The following FRMD4A variants were observed in gnomAD, a reference collection of about 807,000 sequenced individuals.
FRMD4A encodes the protein FERM domain containing 4A, also known as FERM domain-containing protein 4A.
In FRMD4A, 29 loss-of-function variants were observed where a neutral mutation model predicts 129.1. The ratio of observed to expected loss-of-function variants is 0.22; its 90% confidence interval spans 0.17 to 0.31. The LOEUF (loss-of-function observed/expected upper bound fraction) is 0.31, where lower values mean the gene tolerates loss of function less well. Ranked by LOEUF, FRMD4A falls within the 10% of genes least tolerant of loss-of-function variation. The pLI, the probability that FRMD4A is intolerant of heterozygous loss-of-function variation, is 1.00. For missense variants in FRMD4A, 1,272 were observed against 1,375.8 expected (o/e 0.92, Z 1.19); for synonymous variants, 634 against 571.6 (o/e 1.11, Z -1.56).
In FRMD4A at chr10:13,884,176, TCACA is replaced by T. The variant is rs1368255816; in HGVS notation, c.46-25268_46-25265del. The stretch of plus-strand genomic sequence containing the variant: ...CACTCTCACACACACACTCACACAC[TCACA>T]CACACACACACACACTCACACACAC... On this transcript the variant is annotated intron_variant, in intron 2 of 24. Transcript: ENST00000357447. 1.6e-3 allele frequency among the ~76,000 whole-genome samples: 51 copies of T among 31,152 alleles called. 2 individuals are homozygous for T. The highest frequency in any genetic ancestry group is 2.6e-3 in the East Asian group (3 of 1,168). 20.4% of individuals were successfully genotyped at this position (31,152 alleles called of 152,430 possible).
intron 2 of FRMD4A, among the ~76,000 whole-genome samples, chr10:14,254,020 G>A (rs143732408): frequency 3.5e-4 from 54 of 152,182 alleles, no homozygotes; most frequent in African/African-American, 7.2e-4. Context: ...CTCTCCCTAC[G>A]CTAGTTTCCT....
chr10:14,015,842 G>C (rs2095697457), intron 2 of FRMD4A, among the ~76,000 whole-genome samples: 1 of 152,114 alleles, frequency 6.6e-6, no homozygotes, highest in Non-Finnish European at 1.5e-5. Flanking sequence ...TAGTTCTCAT[G>C]ACACTTTATC....
chr10:14,239,349 C>G (rs192587296), intron 2 of FRMD4A, among the ~76,000 whole-genome samples: 1 of 152,092 alleles, frequency 6.6e-6, no homozygotes, highest in Non-Finnish European at 1.5e-5. Flanking sequence ...AAAAGCTGGC[C>G]GGACGCGGTG....
chr10:14,070,416 A>G (rs1429777184), intron 2 of FRMD4A, among the ~76,000 whole-genome samples: 1 of 152,104 alleles, frequency 6.6e-6, no homozygotes, highest in Non-Finnish European at 1.5e-5. Context: ...CCCCTCCCCA[A>G]TATCTTTTGG....
At chr10:14,177,595 C>T (rs935114772) in intron 2 of FRMD4A, among the ~76,000 whole-genome samples, 1 of 152,154 alleles carries the variant, frequency 6.6e-6, no homozygotes, top group African/African-American at 2.4e-5. Context: ...CTCAATCTCC[C>T]TAAAGGTTTG....
intron 2 of FRMD4A, among the ~76,000 whole-genome samples, chr10:13,896,945 T>A (rs1249242407): frequency 6.6e-6 from 1 of 152,146 alleles, no homozygotes; most frequent in Non-Finnish European, 1.5e-5. Context: ...AGGTTGCAAA[T>A]TTTTGAATTT....
At chr10:13,793,970 G>C (rs1195128360) in intron 5 of FRMD4A, among the ~76,000 whole-genome samples, 1 of 152,082 alleles carries the variant, frequency 6.6e-6, no homozygotes, top group East Asian at 1.9e-4. Flanking sequence ...GGTAGTGAGG[G>C]TGCTGGGATC....
At chr10:14,195,232 C>T (rs1174037097) in intron 2 of FRMD4A, among the ~76,000 whole-genome samples, 1 of 152,062 alleles carries the variant, frequency 6.6e-6, no homozygotes, top group Non-Finnish European at 1.5e-5. Flanking sequence ...ACAGGCTCAG[C>T]ATGTTTAAGG....
intron 2 of FRMD4A, among the ~76,000 whole-genome samples, chr10:14,134,901 G>C (rs1350232602): frequency 1.3e-5 from 2 of 152,124 alleles, no homozygotes; most frequent in African/African-American, 4.8e-5. Context: ...CTCAACCAAG[G>C]TTAAAAACAC....
At chr10:14,271,032 A>G (rs1013577677) in intron 2 of FRMD4A, among the ~76,000 whole-genome samples, 1 of 152,186 alleles carries the variant, frequency 6.6e-6, no homozygotes, top group African/African-American at 2.4e-5. Context: ...CAATCATGGT[A>G]GAAGGCAAAG....
intron 2 of FRMD4A, among the ~76,000 whole-genome samples, chr10:14,098,048 T>G (rs10906595): frequency 2.0e-5 from 2 of 98,218 alleles, no homozygotes; most frequent in African/African-American, 7.1e-5. Flanking sequence ...TATAAATTAT[T>G]TATTATATAA....
At chr10:14,085,247 T>A (rs1836196317) in intron 2 of FRMD4A, among the ~76,000 whole-genome samples, 1 of 152,208 alleles carries the variant, frequency 6.6e-6, no homozygotes, top group Non-Finnish European at 1.5e-5. Flanking sequence ...GACTCCTGAC[T>A]CCTGTTTACT....
At chr10:13,817,376 C>T (rs1044550325) in intron 3 of FRMD4A, among the ~76,000 whole-genome samples, 2 of 152,210 alleles carry the variant, frequency 1.3e-5, no homozygotes, top group African/African-American at 2.4e-5. Flanking sequence ...GTCCTGACTA[C>T]TTCCTGGCCT....
intron 3 of FRMD4A, among the ~76,000 whole-genome samples, chr10:13,817,129 C>T (rs898628299): frequency 3.3e-5 from 5 of 152,240 alleles, no homozygotes; most frequent in Non-Finnish European, 7.3e-5. Context: ...AGTGGCACCA[C>T]TCACAGAGCT....
At chr10:14,311,442 C>T (rs1846542912) in intron 2 of FRMD4A, among the ~76,000 whole-genome samples, 2 of 152,296 alleles carry the variant, frequency 1.3e-5, no homozygotes, top group South Asian at 4.2e-4. Context: ...TCTATAGGAC[C>T]ATGCTGCATG....
intron 2 of FRMD4A, among the ~76,000 whole-genome samples, chr10:13,965,061 G>A (rs1409962942): frequency 7.4e-6 from 1 of 134,900 alleles, no homozygotes; most frequent in East Asian, 2.8e-4. Flanking sequence ...AATGACCACT[G>A]GGCATTTTTT....
intron 2 of FRMD4A, among the ~76,000 whole-genome samples, chr10:14,306,020 G>T (rs1034224192): frequency 2.0e-5 from 3 of 152,128 alleles, no homozygotes; most frequent in African/African-American, 7.2e-5. Context: ...AATAGCTCAT[G>T]GATGCTAAGG....
chr10:13,963,273 T>A (rs1388755698), intron 2 of FRMD4A, among the ~76,000 whole-genome samples: 1 of 37,654 alleles, frequency 2.7e-5, no homozygotes, highest in African/African-American at 1.2e-4. Context: ...AAGCCTCTTT[T>A]TTTTTTTTTT....
intron 2 of FRMD4A, among the ~76,000 whole-genome samples, chr10:14,295,905 G>A (rs1033503758): frequency 3.9e-5 from 6 of 152,226 alleles, no homozygotes; most frequent in Admixed American, 1.3e-4. Context: ...CAGTTTAAAC[G>A]GGGTCAACAT....
Sources: allele counts gnomAD v4.1 joint callset (sites outside exome capture counted in the v4.1 genomes callset), GRCh38; gene constraint gnomAD v4.1.1; transcripts MANE v1.5; gene names NCBI Gene and HGNC (gene_info 2026-07-23, HGNC 2026-07-21).